The following PLXDC2 variants were observed in gnomAD, a reference collection of about 807,000 sequenced individuals.
PLXDC2 encodes the protein plexin domain containing 2, also known as plexin domain-containing protein 2.
Under a neutral mutation model 68.9 loss-of-function variants are expected in PLXDC2, and 40 were observed. The observed-to-expected ratio is 0.58, with a 90% CI of 0.45 to 0.76. The LOEUF (loss-of-function observed/expected upper bound fraction) is 0.76. PLXDC2 is among the 30% of genes least tolerant of loss of function. PLXDC2 has a pLI of 0.00. For synonymous variants in PLXDC2, 243 were observed against 234.2 expected (o/e 1.04, Z -0.34); for missense variants, 644 against 661.9 (o/e 0.97, Z 0.30).
chr10:20,203,882 C>G (rs940250818), intron 9 of PLXDC2, among the ~76,000 whole-genome samples: 1 of 152,128 alleles, frequency 6.6e-6, no homozygotes, highest in African/African-American at 2.4e-5. Flanking sequence ...GATAACTATT[C>G]TTATGAACAT....
rs187356709 is a variant in PLXDC2, at chr10:19,845,947, A to G, written c.112+28756A>G. 1.6e-4 allele frequency among the ~76,000 whole-genome samples: 24 copies of G among 152,256 alleles called. No homozygotes were observed. In the East Asian group the frequency reaches 3.1e-3, roughly 20 times the overall value. ...TTGGTCCCGTTTTAGTTAGTCTTCAATCTGGTCCAGTGTCTGAGCCCTGGC... is the reference window on the plus strand; with the variant it reads ...TTGGTCCCGTTTTAGTTAGTCTTCAGTCTGGTCCAGTGTCTGAGCCCTGGC... On this transcript the variant is annotated intron_variant, in intron 1 of 13. Coordinates refer to ENST00000377252, the MANE Select transcript of PLXDC2 (RefSeq NM_032812.9).
chr10:20,058,524 C>A (rs1483197807), intron 3 of PLXDC2, among the ~76,000 whole-genome samples: 2 of 152,210 alleles, frequency 1.3e-5, no homozygotes, highest in East Asian at 1.9e-4. Context: ...TAAAGCAATA[C>A]CTAGCATAGT....
intron 9 of PLXDC2, among the ~76,000 whole-genome samples, chr10:20,195,269 T>C (rs1834822304): frequency 6.6e-6 from 1 of 152,148 alleles, no homozygotes; most frequent in Non-Finnish European, 1.5e-5. Flanking sequence ...AACTGATCCT[T>C]GAACTCTGGA....
At position 20,013,082 on chromosome 10, in the gene PLXDC2, A is replaced by G. The variant is rs116218110; in HGVS notation, c.324+11096A>G. Among the ~76,000 whole-genome samples the G allele has an allele frequency of 9.5e-3, 1,453 of 152,326 alleles. 28 individuals carry two copies. Among genetic ancestry groups the G allele is most frequent in the African/African-American group, 0.033 (1,378 of 41,560 alleles). On this transcript the variant is annotated intron_variant, in intron 2 of 13. Coordinates refer to ENST00000377252, the MANE Select transcript of PLXDC2 (RefSeq NM_032812.9). Reference sequence around the variant, plus strand: ...TTTTGTAAACTTTATATATTTATGCAGTCTCTAGCTTAAAGAACAAAGCTA... The same window carrying G: ...TTTTGTAAACTTTATATATTTATGCGGTCTCTAGCTTAAAGAACAAAGCTA...
rs186410589 is a variant in PLXDC2, at chr10:20,027,222, A to G, written c.325-19647A>G. Among the ~76,000 whole-genome samples, 57 of 152,108 alleles carry G rather than the reference A, an allele frequency of 3.7e-4. 1 individual carries two copies. The highest frequency in any genetic ancestry group is 1.3e-3 in the African/African-American group (54 of 41,510). Reference sequence around the variant, plus strand: ...GTGCGGTGGTCTCAATGTGTCCCCCAGAATTCATATGATTGAGGCTTAATC... The same window carrying G: ...GTGCGGTGGTCTCAATGTGTCCCCCGGAATTCATATGATTGAGGCTTAATC... On this transcript the variant is annotated intron_variant, in intron 2 of 13. Coordinates refer to ENST00000377252, the MANE Select transcript of PLXDC2 (RefSeq NM_032812.9).
intron 9 of PLXDC2, among the ~76,000 whole-genome samples, chr10:20,208,658 A>G (rs1484401779): frequency 6.6e-6 from 1 of 152,190 alleles, no homozygotes; most frequent in East Asian, 1.9e-4. Flanking sequence ...TATGATCAAT[A>G]TAAGACCCTA....
At chr10:20,270,050 A>AATAAG (rs1390843870) in intron 13 of PLXDC2, among the ~76,000 whole-genome samples, 4 of 151,188 alleles carry the variant, frequency 2.6e-5, no homozygotes, top group African/African-American at 9.8e-5. Context: ...AATAAAATAA[A>AATAAG]ATAAAAAAGA....
At chr10:19,989,801 G>T (rs1355880142) in intron 1 of PLXDC2, among the ~76,000 whole-genome samples, 3 of 144,622 alleles carry the variant, frequency 2.1e-5, no homozygotes. Context: ...CCAGGTTGGA[G>T]TGCAGTGGTG....
At chr10:20,138,548 C>A (rs73603702) in intron 4 of PLXDC2, among the ~76,000 whole-genome samples, 5,077 of 152,268 alleles carry the variant, frequency 0.033, 290 homozygotes, top group African/African-American at 0.12. Flanking sequence ...TTAAATACTT[C>A]ATTTAATAAA....
At chr10:20,173,858 A>G (rs142426336) in intron 7 of PLXDC2, among the ~76,000 whole-genome samples, 1 of 152,276 alleles carries the variant, frequency 6.6e-6, no homozygotes, top group African/African-American at 2.4e-5. Context: ...TACATAAATG[A>G]CCATTTGGAA....
chr10:19,873,778 A>C (rs1286230608), intron 1 of PLXDC2, among the ~76,000 whole-genome samples: 1 of 152,228 alleles, frequency 6.6e-6, no homozygotes, highest in Non-Finnish European at 1.5e-5. Context: ...GGTATCACAA[A>C]GATCTATTTC....
Position 20,164,480 on chromosome 10 carries a change from G to GA in PLXDC2, c.796_797insA (p.Val266AspfsTer38). The GA allele has an allele frequency of 6.2e-7, 1 of 1,612,660 alleles. No individual in the cohort carries two copies. The highest frequency in any genetic ancestry group is 1.1e-5 in the South Asian group (1 of 91,056). ...TGTTTTTTTCCAGATTCCTGTCTTG[G>GA]TCACACAGATAAGTTCAACCAATCA... is the stretch of plus-strand genomic sequence containing the variant. On this transcript the variant is annotated frameshift_variant, in exon 7 of 14. Transcript: ENST00000377252. LOFTEE classifies it high-confidence loss of function.
chr10:19,968,193 G>C lies in PLXDC2; in HGVS notation c.113-33582G>C, dbSNP rs1048513449. On this transcript the variant is annotated intron_variant, in intron 1 of 13. Coordinates refer to ENST00000377252, the MANE Select transcript of PLXDC2 (RefSeq NM_032812.9). ...TGTTTAATTAAAGTGGAAATGAACT[G>C]CTCTGAGACAGTGAACCCTGTTCAA... is the stretch of plus-strand genomic sequence containing the variant. Among the ~76,000 whole-genome samples, 4 of 152,208 alleles carry C rather than the reference G, an allele frequency of 2.6e-5. 1 individual carries two copies. The highest frequency in any genetic ancestry group is 4.1e-4 in the South Asian group (2 of 4,834).
intron 4 of PLXDC2, among the ~76,000 whole-genome samples, chr10:20,071,632 G>T (rs1362103695): frequency 6.6e-6 from 1 of 152,176 alleles, no homozygotes; most frequent in African/African-American, 2.4e-5. Flanking sequence ...ACAACTGTGA[G>T]TCCATTAAAC....
At chr10:20,072,424 G>GGAAAGAAAGAGAGAA (rs1836336633) in intron 4 of PLXDC2, among the ~76,000 whole-genome samples, 11 of 130,230 alleles carry the variant, frequency 8.4e-5, no homozygotes, top group East Asian at 2.3e-4. Flanking sequence ...GAAAGAAAGA[G>GGAAAGAAAGAGAGAA]AGAAAGAAAG....
intron 12 of PLXDC2, among the ~76,000 whole-genome samples, chr10:20,222,795 CTG>C (rs1396506840): frequency 2.0e-5 from 3 of 151,732 alleles, no homozygotes; most frequent in Non-Finnish European, 2.9e-5. Context: ...CAAGGCCAAA[CTG>C]GGCAACATAG....
intron 4 of PLXDC2, among the ~76,000 whole-genome samples, chr10:20,141,463 A>G (rs1834006132): frequency 6.6e-6 from 1 of 152,076 alleles, no homozygotes; most frequent in South Asian, 2.1e-4. Flanking sequence ...CCATCCTCCA[A>G]GTTAAGCAGT....
chr10:20,018,872 A>G (rs1402687633), intron 2 of PLXDC2, among the ~76,000 whole-genome samples: 1 of 152,220 alleles, frequency 6.6e-6, no homozygotes, highest in African/African-American at 2.4e-5. Flanking sequence ...AAGTTGTAGG[A>G]TCATATGAAC....
chr10:19,994,311 A>C (rs1564650622), intron 1 of PLXDC2, among the ~76,000 whole-genome samples: 1 of 68,766 alleles, frequency 1.5e-5, no homozygotes, highest in African/African-American at 4.7e-5. Flanking sequence ...AACATGATTA[A>C]ATTTTTTTTT....
Sources: gnomAD v4.1 joint callset for allele counts (sites outside exome capture counted in the v4.1 genomes callset) on GRCh38, gnomAD v4.1.1 for gene constraint, MANE v1.5 for transcripts, NCBI Gene and HGNC (gene_info 2026-07-23, HGNC 2026-07-21) for gene names.